The following ZNF44 variants were observed in gnomAD, a reference collection of about 807,000 sequenced individuals.
ZNF44 encodes the protein gonadotropin inducible transcription repressor-2.
In ZNF44, 9 loss-of-function variants were observed where a neutral mutation model predicts 11.7. That is an observed-to-expected ratio of 0.77 (90% CI 0.46 to 1.35). The LOEUF (loss-of-function observed/expected upper bound fraction) is 1.35. Among genes scored for constraint, ZNF44 ranks in the 40% most tolerant of loss-of-function variants. ZNF44 has a pLI of 0.00. For missense variants in ZNF44, 696 were observed against 743.1 expected, an observed-to-expected ratio of 0.94 and a Z score of 0.74; for synonymous variants, 224 against 242.7, an observed-to-expected ratio of 0.92 and a Z score of 0.72.
chr19:12,245,385 T>A (rs534858179), downstream of ZNF44, among the ~76,000 whole-genome samples: 324 of 152,382 alleles, frequency 2.1e-3, 3 homozygotes, highest in Non-Finnish European at 1.6e-3. Flanking sequence ...AGAAGTTGTT[T>A]GATAAAAATG....
At chr19:12,264,294 G>C (rs1348400801) in intron 5 of ZNF44, among the ~76,000 whole-genome samples, 1 of 152,136 alleles carries the variant, frequency 6.6e-6, no homozygotes, top group Non-Finnish European at 1.5e-5. Context: ...CTTGATAAGC[G>C]TGAGTACGTA....
downstream of ZNF44, among the ~76,000 whole-genome samples, chr19:12,246,403 G>A (rs1408507045): frequency 6.6e-6 from 1 of 152,112 alleles, no homozygotes; most frequent in Non-Finnish European, 1.5e-5. Context: ...AATAAAATAA[G>A]GCTCTTCTAA....
At chr19:12,253,997 A>G (rs978218390) in intron 5 of ZNF44, among the ~76,000 whole-genome samples, 1 of 152,080 alleles carries the variant, frequency 6.6e-6, no homozygotes, top group African/African-American at 2.4e-5. Flanking sequence ...AAAAAATAAG[A>G]AGGACACAGG....
At chr19:12,248,617 T>C in exon 8 of ZNF44, 1 of 1,304,246 alleles carries the variant, frequency 7.7e-7, no homozygotes, top group South Asian at 1.2e-5. Flanking sequence ...GCAATCTGGC[T>C]GAAACCTTCT....
At chr19:12,271,233 T>C (rs1478118398), downstream of ZNF44, among the ~76,000 whole-genome samples, 1 of 152,206 alleles carries the variant, frequency 6.6e-6, no homozygotes, top group Non-Finnish European at 1.5e-5. Context: ...TTCTGTGTCA[T>C]ATAAGGGAAA....
chr19:12,231,455 G>A (rs1194072851), intron 2 of ZNF44, among the ~76,000 whole-genome samples: 2 of 152,180 alleles, frequency 1.3e-5, no homozygotes, highest in Non-Finnish European at 2.9e-5. Context: ...GTCAGATTTT[G>A]CCTTGAGGTG....
At chr19:12,246,317 A>G (rs1599494663), downstream of ZNF44, among the ~76,000 whole-genome samples, 3 of 152,244 alleles carry the variant, frequency 2.0e-5, no homozygotes, top group East Asian at 5.8e-4. Flanking sequence ...GGCCAGAAAG[A>G]AAAAGAGCAA....
intron 5 of ZNF44, chr19:12,260,426 G>C: frequency 6.9e-7 from 1 of 1,442,466 alleles, no homozygotes; most frequent in Non-Finnish European, 9.6e-7. Context: ...TCAAGAACAA[G>C]TACCGCCCCG....
chr19:12,250,558 A>G (rs553519639), intron 5 of ZNF44, among the ~76,000 whole-genome samples: 1 of 152,356 alleles, frequency 6.6e-6, no homozygotes, highest in South Asian at 2.1e-4. Flanking sequence ...AATTATTTCT[A>G]CACTTTCACT....
intron 5 of ZNF44, among the ~76,000 whole-genome samples, chr19:12,255,781 T>C (rs1425251359): frequency 6.6e-6 from 1 of 152,106 alleles, no homozygotes; most frequent in Non-Finnish European, 1.5e-5. Flanking sequence ...GGCTCATTCC[T>C]GTAATGCCAG....
At chr19:12,260,442 C>A in intron 5 of ZNF44, 1 of 1,418,370 alleles carries the variant, frequency 7.1e-7, no homozygotes. Flanking sequence ...CCCCGACCTG[C>A]GCATGGCAGC....
upstream of ZNF44, among the ~76,000 whole-genome samples, chr19:12,238,550 C>T (rs1916484863): frequency 6.6e-6 from 1 of 150,730 alleles, no homozygotes; most frequent in Non-Finnish European, 1.5e-5. Context: ...ATTGCCTGAA[C>T]CCGGGAGACA....
rs776844732 is a variant in ZNF44, at chr19:12,273,780, A to G, written c.475T>C (p.Cys159Arg). 1.3e-5 allele frequency: 21 copies of G among 1,613,996 alleles called. 1 individual carries two copies. In the South Asian group the frequency reaches 1.9e-4, roughly 14 times the overall value. Residue 159 changes from cysteine to arginine, a missense_variant, in exon 4 of 4, where the codon TGT becomes CGT. By Grantham distance (180) the Cys-to-Arg change is radical. Transcript: ENST00000355684. ...TTCTTTCCAGTGTGAGGCCTTTCAC[A>G]TGTTTGAAAGGAGTGGCGATAACTT... is the stretch of plus-strand genomic sequence containing the variant. Reference protein sequence around the residue: ...GLSYRHSFQTCERPHTGKKPY... With the variant: ...GLSYRHSFQTRERPHTGKKPY...
chr19:12,264,664 G>A (rs17467810), intron 5 of ZNF44, among the ~76,000 whole-genome samples: 6,171 of 152,182 alleles, frequency 0.041, 247 homozygotes, highest in Admixed American at 0.12. Context: ...ATAATCATTA[G>A]TCAAACTAAT....
Position 12,273,377 on chromosome 19 carries a change from G to T in ZNF44, c.878C>A (p.Ser293Tyr). 1 of 1,613,502 alleles carries T rather than the reference G, an allele frequency of 6.2e-7. No individual in the cohort carries two copies. Among genetic ancestry groups the T allele is most frequent in the Non-Finnish European group, 8.5e-7 (1 of 1,179,842 alleles). Residue 293 changes from serine (S) to tyrosine (Y), a missense_variant, in exon 4 of 4, where the codon TCC becomes TAC. Transcript: ENST00000355684. ...CKQCGKAFSV[S>Y]GSLRVHERIH... ...TCTTTCATGTACTCGAAGGGAACCG[G>T]AAACACTGAAGGCTTTCCCACATTG...
intron 1 of ZNF44, among the ~76,000 whole-genome samples, chr19:12,289,467 CTG>C (rs1254337914): frequency 6.6e-6 from 1 of 152,018 alleles, no homozygotes; most frequent in Non-Finnish European, 1.5e-5. Flanking sequence ...GTAAAACACT[CTG>C]TGATCTAGAA....
exon 3 of ZNF44, chr19:12,230,509 G>A (rs2438525): frequency 0.061 from 9,286 of 152,314 alleles, 964 homozygotes; most frequent in African/African-American, 0.21. Flanking sequence ...GGCCTCTTGG[G>A]CTGCAGCTGC....
At chr19:12,233,570 A>AAAAAAAC (rs1568419648) in intron 2 of ZNF44, among the ~76,000 whole-genome samples, 3 of 148,670 alleles carry the variant, frequency 2.0e-5, no homozygotes, top group African/African-American at 7.8e-5. Flanking sequence ...AAAAAAAAAA[A>AAAAAAAC]AACCTGACAA....
intron 2 of ZNF44, among the ~76,000 whole-genome samples, chr19:12,275,644 T>C (rs546120488): frequency 6.6e-6 from 1 of 151,870 alleles, no homozygotes; most frequent in Non-Finnish European, 1.5e-5. Context: ...AGACTCCATC[T>C]CAAAAAAAAA....
Sources: gnomAD v4.1 joint callset for allele counts (sites outside exome capture counted in the v4.1 genomes callset) on GRCh38, gnomAD v4.1.1 for gene constraint, MANE v1.5 for transcripts, NCBI Gene and HGNC (gene_info 2026-07-23, HGNC 2026-07-21) for gene names.